Variants in RYR2 observed in about 807,000 individuals in gnomAD.
RYR2 encodes the protein ryanodine receptor 2, also known as cardiac muscle ryanodine receptor-calcium release channel.
In RYR2, 227 loss-of-function variants were observed where a neutral mutation model predicts 601.1. That is an observed-to-expected ratio of 0.38 (90% CI 0.34 to 0.42). The LOEUF is 0.42. Among genes scored for constraint, RYR2 ranks in the 10% least tolerant of loss-of-function variants. RYR2 has a pLI of 1.00. For missense variants in RYR2, 4,646 were observed against 6,156.5 expected, an observed-to-expected ratio of 0.75 and a Z score of 8.21; for synonymous variants, 2,223 against 2,175.1, an observed-to-expected ratio of 1.02 and a Z score of -0.61.
chr1:237,681,754 G>T (rs1685904501), intron 62 of RYR2, among the ~76,000 whole-genome samples: 1 of 152,108 alleles, frequency 6.6e-6, no homozygotes, highest in Non-Finnish European at 1.5e-5. Flanking sequence ...CTGGGAGGGA[G>T]AGCAGCTCCT....
rs776968385 is a variant in RYR2, at chr1:237,593,505, A to G, written c.4305A>G (p.Gly1435=). The G allele has an allele frequency of 3.7e-6, 6 of 1,613,676 alleles. No individual in the cohort carries two copies. In the South Asian group the frequency reaches 5.5e-5, roughly 15 times the overall value. The change falls in exon 33 of 105, where the codon GGA becomes GGG. Residue 1435 remains glycine (G), a synonymous_variant. Coordinates refer to ENST00000366574, the MANE Select transcript of RYR2 (RefSeq NM_001035.3). ...TYYYSVRIFP[G]QEPANVWVGW... ...ATTACTCAGTGAGAATCTTTCCTGG[A>G]CAAGAACCTGCTAATGTCTGGGTGG...
At chr1:237,758,937 G>A (rs116088301) in intron 82 of RYR2, among the ~76,000 whole-genome samples, 1,684 of 152,158 alleles carry the variant, frequency 0.011, 18 homozygotes, top group Middle Eastern at 0.02. Context: ...CATAGATTCT[G>A]GACGTCATTC....
chr1:237,804,598 T>G (rs1332465646), intron 98 of RYR2, among the ~76,000 whole-genome samples: 1 of 152,006 alleles, frequency 6.6e-6, no homozygotes, highest in Non-Finnish European at 1.5e-5. Flanking sequence ...CCCCCAAAAG[T>G]GTATTCATTT....
intron 22 of RYR2, among the ~76,000 whole-genome samples, chr1:237,504,080 G>C (rs1430900721): frequency 6.6e-6 from 1 of 152,170 alleles, no homozygotes; most frequent in Non-Finnish European, 1.5e-5. Context: ...ATTACAACCT[G>C]AGGTGTTAAA....
At chr1:237,761,064 CCCTT>C (rs1422143905) in intron 84 of RYR2, 36 bp downstream of exon 84, 2 of 1,188,924 alleles carry the variant, frequency 1.7e-6, no homozygotes, top group Non-Finnish European at 1.2e-6. Flanking sequence ...TCACCTGTCT[CCCTT>C]CCCTCCCTGA....
At position 237,710,699 on chromosome 1, in the gene RYR2, G is replaced by GTAGATAGA. The variant is rs56034841; in HGVS notation, c.10231-1035_10231-1028dup. Reference sequence around the variant, plus strand: ...GTAAAAAGATAAATAGATTAGGTATGTAGATAGATAGATAGATAATGCATG... The same window carrying GTAGATAGA: ...GTAAAAAGATAAATAGATTAGGTATGTAGATAGATAGATAGATAGATAGATAATGCATG... On this transcript the variant is annotated intron_variant, in intron 70 of 104. Coordinates refer to ENST00000366574, the MANE Select transcript of RYR2 (RefSeq NM_001035.3). 2.1e-3 allele frequency among the ~76,000 whole-genome samples: 311 copies of GTAGATAGA among 150,642 alleles called. 1 individual carries two copies. Among genetic ancestry groups the GTAGATAGA allele is most frequent in the African/African-American group, 4.6e-3 (189 of 40,782 alleles).
At position 237,784,947 on chromosome 1, in the gene RYR2, T is replaced by C; in HGVS notation, c.13235T>C (p.Met4412Thr). The change falls in exon 90 of 105, where the codon ATG (methionine) becomes ACG (threonine). Residue 4412 changes from methionine (M) to threonine (T), a missense_variant. By Grantham distance (81) the Met-to-Thr change is moderately conservative. This residue lies in a region of RYR2 where 364 missense variants were observed against 442.9 expected (regional missense o/e 0.82). Transcript: ENST00000366574. This position sits in a 1 kb window ranked among gnomAD's most constrained non-coding sequence, Gnocchi z 7.1. ...GACCTCATGAGCAACCCAGTCCCCATGCCTGAGGTGCAGGAAAAATTTCAG... is the reference window on the plus strand; with the variant it reads ...GACCTCATGAGCAACCCAGTCCCCACGCCTGAGGTGCAGGAAAAATTTCAG... ...LSDLMSNPVPMPEVQEKFQEQ... is the reference protein window; with the variant it reads ...LSDLMSNPVPTPEVQEKFQEQ... The C allele has an allele frequency of 6.3e-7, 1 of 1,598,614 alleles. No homozygotes were observed. Among genetic ancestry groups the C allele is most frequent in the East Asian group, 2.3e-5 (1 of 44,260 alleles).
chr1:237,436,933 T>G (rs1470054679), intron 12 of RYR2, among the ~76,000 whole-genome samples: 1 of 151,504 alleles, frequency 6.6e-6, no homozygotes, highest in Non-Finnish European at 1.5e-5. Context: ...TCTTCAGAAA[T>G]AGGTATGGCT....
chr1:237,253,179 A>AC (rs759261845), intron 1 of RYR2, among the ~76,000 whole-genome samples: 6,058 of 148,846 alleles, frequency 0.041, 132 homozygotes, highest in African/African-American at 0.049. Context: ...AAAAAAAAAA[A>AC]AACAACAACA....
At chr1:237,064,751 C>CTTTTTTTTT (rs551797601) in intron 1 of RYR2, among the ~76,000 whole-genome samples, 5 of 110,010 alleles carry the variant, frequency 4.5e-5, no homozygotes, top group African/African-American at 1.6e-4. Context: ...TAGAACCTGT[C>CTTTTTTTTT]TTTTTTTTTT....
chr1:237,607,129 G>A (rs1677215392), intron 35 of RYR2, among the ~76,000 whole-genome samples: 2 of 152,178 alleles, frequency 1.3e-5, no homozygotes, highest in South Asian at 4.1e-4. Context: ...GCACACGTAT[G>A]TTTATTGTGG....
At chr1:237,329,441 G>T (rs1459415720) in intron 2 of RYR2, among the ~76,000 whole-genome samples, 3 of 152,052 alleles carry the variant, frequency 2.0e-5, no homozygotes, top group Non-Finnish European at 4.4e-5. Context: ...AAGAGATCGA[G>T]ATCATCCTGG....
At chr1:237,477,220 G>A (rs925019988) in intron 17 of RYR2, among the ~76,000 whole-genome samples, 1 of 152,102 alleles carries the variant, frequency 6.6e-6, no homozygotes, top group African/African-American at 2.4e-5. Flanking sequence ...GCGAAACCTC[G>A]TCTTTACTAC....
At chr1:237,388,452 T>A (rs1233382274) in intron 10 of RYR2, among the ~76,000 whole-genome samples, 2 of 152,182 alleles carry the variant, frequency 1.3e-5, no homozygotes, top group Non-Finnish European at 2.9e-5. Flanking sequence ...GTGAGAAGAG[T>A]GACCACATTG....
At chr1:237,559,215 A>C (rs911994816) in intron 27 of RYR2, among the ~76,000 whole-genome samples, 2 of 152,018 alleles carry the variant, frequency 1.3e-5, no homozygotes, top group Non-Finnish European at 2.9e-5. Context: ...AAATCCAGGG[A>C]GTGTTTATTT....
intron 1 of RYR2, among the ~76,000 whole-genome samples, chr1:237,129,247 T>G (rs955602859): frequency 6.6e-6 from 1 of 152,210 alleles, no homozygotes; most frequent in African/African-American, 2.4e-5. Flanking sequence ...AGTTAGTTCC[T>G]TGAAAATATA....
At chr1:237,316,107 A>G (rs1475037663) in intron 2 of RYR2, among the ~76,000 whole-genome samples, 1 of 152,202 alleles carries the variant, frequency 6.6e-6, no homozygotes, top group African/African-American at 2.4e-5. Flanking sequence ...AACATTACCA[A>G]GTAAAATAAA....
At position 237,707,265 on chromosome 1, in the gene RYR2, A is replaced by G. The variant is rs1239008378; in HGVS notation, c.9897A>G (p.Leu3299=). 1.3e-6 allele frequency: 2 copies of G among 1,499,396 alleles called. No homozygotes were observed. Among genetic ancestry groups the G allele is most frequent in the Admixed American group, 3.9e-5 (2 of 50,742 alleles). 92.9% of individuals were successfully genotyped at this position (1,499,396 alleles called of 1,614,324 possible). A position where few individuals can be genotyped will look rare whatever the true frequency, so the allele number is the denominator to read the frequency against. The change falls in exon 68 of 105, where the codon CTA becomes CTG. Residue 3299 remains leucine, a synonymous_variant. Coordinates refer to ENST00000366574, the MANE Select transcript of RYR2 (RefSeq NM_001035.3). ...GIDEGAWMKR[L]AVFSQPIINK... is the part of the protein sequence containing the mutation. ...ATGAGGGAGCCTGGATGAAGAGGCT[A>G]GCAGGTAAGAACTGGAAGAAGACAT...
chr1:237,385,424 T>A (rs1701890641), intron 8 of RYR2, among the ~76,000 whole-genome samples: 1 of 152,222 alleles, frequency 6.6e-6, no homozygotes, highest in African/African-American at 2.4e-5. Flanking sequence ...ACATGTGATA[T>A]GTTTATATAC....
Sources: allele counts gnomAD v4.1 joint callset (sites outside exome capture counted in the v4.1 genomes callset), GRCh38; gene constraint gnomAD v4.1.1; regional missense constraint gnomAD v4.1.1; non-coding constraint Gnocchi (gnomAD v3.1); transcripts MANE v1.5; gene names NCBI Gene and HGNC (gene_info 2026-07-23, HGNC 2026-07-21).